Variants in PATL1 observed in about 807,000 individuals in gnomAD.
PATL1 encodes PAT1 homolog 1, processing body mRNA decay factor, also known as protein PAT1 homolog 1.
PATL1 carries 32 observed loss-of-function variants against 100.6 expected under a neutral mutation model. The ratio of observed to expected loss-of-function variants is 0.32; its 90% CI spans 0.24 to 0.43. The LOEUF (loss-of-function observed/expected upper bound fraction) is 0.43, where lower values mean the gene tolerates loss of function less well. Among genes scored for constraint, PATL1 ranks in the 20% least tolerant of loss-of-function variants. PATL1 has a pLI of 1.00. For missense variants in PATL1, 747 were observed against 949.9 expected (o/e 0.79, Z 2.81); for synonymous variants, 332 against 330.0 (o/e 1.01, Z -0.07).
intron 5 of PATL1, 66 bp from the exon 6 acceptor site, chr11:59,656,666 T>G: frequency 7.4e-7 from 1 of 1,344,028 alleles, no homozygotes. Context: ...CTACACTCCC[T>G]CCCCTCAAGT....
At chr11:59,651,156 A>C (rs1232576924) in intron 12 of PATL1, among the ~76,000 whole-genome samples, 1 of 152,150 alleles carries the variant, frequency 6.6e-6, no homozygotes, top group Non-Finnish European at 1.5e-5. Flanking sequence ...AGGTAAACTT[A>C]TGTCATGGGG....
In PATL1 at chr11:59,658,910, C is replaced by T; in HGVS notation, c.382G>A (p.Gly128Arg). ...CGGATTCGCCTCAGAACTTCAGATC[C>T]ATCCCAGATACTGGAATTCAGACTT... Reference protein sequence around the residue: ...PGSLNSSIWDGSEVLRRIRGP... With the variant: ...PGSLNSSIWDRSEVLRRIRGP... The change falls in exon 4 of 19, where the codon GGA becomes AGA. Residue 128 changes from glycine to arginine, a missense_variant. By Grantham distance (125) the Gly-to-Arg change is moderately radical. Around this residue, in one of 4 missense-constraint regions of PATL1, gnomAD observed 183 missense variants for 221.2 expected, o/e 0.83. Transcript: ENST00000300146. The T allele has an allele frequency of 6.5e-7, 1 of 1,550,040 alleles. No individual in the cohort carries two copies.
Position 59,642,901 on chromosome 11 carries a change from G to A in PATL1, c.2028C>T (p.Leu676=), listed in dbSNP as rs1323853625. 1 of 1,613,782 alleles carries A rather than the reference G, an allele frequency of 6.2e-7. No homozygotes were observed. The highest frequency in any genetic ancestry group is 8.5e-7 in the Non-Finnish European group (1 of 1,179,790). ...TCACCTTGTTCTGGAGCACAGCAGT[G>A]AGGTGAGGATTGGAGAGTGCTGGTG... The part of the protein sequence containing the change: ...AATPALSNPH[L]TAVLQNKFGL... The change falls in exon 16 of 19, where the codon CTC becomes CTT. Residue 676 remains leucine (L), a synonymous_variant. Coordinates refer to ENST00000300146, the MANE Select transcript of PATL1 (RefSeq NM_152716.3).
intron 2 of PATL1, among the ~76,000 whole-genome samples, chr11:59,661,085 G>GTATTTT (rs1043104274): frequency 9.2e-5 from 14 of 152,040 alleles, no homozygotes; most frequent in African/African-American, 3.1e-4. Context: ...GCTCCATTCA[G>GTATTTT]TATTTTTATT....
chr11:59,646,327 T>G (rs1255245270), intron 15 of PATL1, among the ~76,000 whole-genome samples: 3 of 150,136 alleles, frequency 2.0e-5, no homozygotes, highest in Non-Finnish European at 4.4e-5. Context: ...CATATACTAC[T>G]GTGTCCAGCT....
chr11:59,651,872 C>T (rs1178456979), intron 11 of PATL1, among the ~76,000 whole-genome samples: 1 of 151,688 alleles, frequency 6.6e-6, no homozygotes, highest in Non-Finnish European at 1.5e-5. Flanking sequence ...CGAGACCAGC[C>T]TGGCCAACAT....
intron 16 of PATL1, 73 bp from the exon 17 acceptor site, chr11:59,639,456 T>G: frequency 4.6e-6 from 5 of 1,098,444 alleles, no homozygotes; most frequent in Non-Finnish European, 6.7e-6. Context: ...GAAGGGATCC[T>G]GGCATCAGAT....
intron 15 of PATL1, among the ~76,000 whole-genome samples, chr11:59,646,218 A>G (rs1320491398): frequency 1.4e-5 from 2 of 147,104 alleles, no homozygotes; most frequent in East Asian, 2.0e-4. Flanking sequence ...CTGGTCTTCT[A>G]TTTTCTAGGA....
At position 59,653,455 on chromosome 11, in the gene PATL1, C is replaced by A. The variant is rs143940439; in HGVS notation, c.1122-437G>T. 1.2e-3 allele frequency among the ~76,000 whole-genome samples: 181 copies of A among 152,160 alleles called. 1 individual carries two copies. Among genetic ancestry groups the A allele is most frequent in the African/African-American group, 4.2e-3 (173 of 41,514 alleles). Reference sequence around the variant, plus strand: ...AATTGTTTTAACTCATTAAAAATCACGAAATATTTCAAATGCAGAGAAAAA... The same window carrying A: ...AATTGTTTTAACTCATTAAAAATCAAGAAATATTTCAAATGCAGAGAAAAA... On this transcript the variant is annotated intron_variant, in intron 9 of 18. Transcript: ENST00000300146.
At chr11:59,658,147 C>G (rs929388417) in intron 4 of PATL1, among the ~76,000 whole-genome samples, 10 of 148,484 alleles carry the variant, frequency 6.7e-5, no homozygotes, top group Non-Finnish European at 7.4e-5. Flanking sequence ...CTGGTTGACA[C>G]AGCAAGACCT....
In PATL1 at chr11:59,658,913, C is replaced by T. The variant is rs755190710; in HGVS notation, c.379G>A (p.Asp127Asn). 14 of 1,550,082 alleles carry T rather than the reference C, an allele frequency of 9.0e-6. No homozygotes were observed. Among genetic ancestry groups the T allele is most frequent in the Middle Eastern group, 1.7e-4 (1 of 5,838 alleles). ...ATTCGCCTCAGAACTTCAGATCCATCCCAGATACTGGAATTCAGACTTCCT... is the reference window on the plus strand; with the variant it reads ...ATTCGCCTCAGAACTTCAGATCCATTCCAGATACTGGAATTCAGACTTCCT... ...QPGSLNSSIW[D>N]GSEVLRRIRG... Residue 127 changes from aspartate to asparagine, a missense_variant, in exon 4 of 19, where the codon GAT (aspartate) becomes AAT (asparagine). Coordinates refer to ENST00000300146, the MANE Select transcript of PATL1 (RefSeq NM_152716.3).
At position 59,649,702 on chromosome 11, in the gene PATL1, G is replaced by A. The variant is rs189988934; in HGVS notation, c.1585-92C>T. 1.3e-4 allele frequency: 159 copies of A among 1,246,616 alleles called. No homozygotes were observed. In the African/African-American group the frequency reaches 1.9e-3, roughly 15 times the overall value. 77.2% of individuals were successfully genotyped at this position (1,246,616 alleles called of 1,614,324 possible). On this transcript the variant is annotated intron_variant, in intron 13 of 18. Transcript: ENST00000300146. The stretch of plus-strand genomic sequence containing the variant: ...TCACAGTTTAGGACTACTAGCTAAA[G>A]ACAAACTCATTATAGAAAGACTGAG...
intron 4 of PATL1, among the ~76,000 whole-genome samples, chr11:59,658,112 T>TA (rs2134755597): frequency 6.6e-6 from 1 of 150,946 alleles, no homozygotes; most frequent in African/African-American, 2.4e-5. Flanking sequence ...TACAGAGAGC[T>TA]ATGACTGTAC....
intron 13 of PATL1, among the ~76,000 whole-genome samples, chr11:59,650,213 T>C (rs977199684): frequency 1.3e-5 from 2 of 150,398 alleles, no homozygotes; most frequent in South Asian, 2.1e-4. Flanking sequence ...GAGGACAGCA[T>C]AGAAAGGTTA....
Position 59,654,889 on chromosome 11 carries a change from T to C in PATL1, c.1031+634A>G, listed in dbSNP as rs535311572. Among the ~76,000 whole-genome samples, 12 of 152,326 alleles carry C rather than the reference T, an allele frequency of 7.9e-5. 1 individual carries two copies. The highest frequency in any genetic ancestry group is 2.6e-4 in the Admixed American group (4 of 15,292). The stretch of plus-strand genomic sequence containing the variant: ...ATGTGGGTGGAGCTCATCCAGCCAG[T>C]TGAAGGCCTTAAGAACAAAACTAAA... On this transcript the variant is annotated intron_variant, in intron 8 of 18. Coordinates refer to ENST00000300146, the MANE Select transcript of PATL1 (RefSeq NM_152716.3).
intron 8 of PATL1, among the ~76,000 whole-genome samples, chr11:59,654,690 G>A (rs1861500116): frequency 6.6e-6 from 1 of 152,060 alleles, no homozygotes; most frequent in East Asian, 1.9e-4. Context: ...AACGTACTCA[G>A]CTTCAACTAT....
chr11:59,638,949 C>A, intron 18 of PATL1, 99 bp downstream of exon 18: 1 of 1,355,462 alleles, frequency 7.4e-7, no homozygotes, highest in South Asian at 1.4e-5. Context: ...TCCTAAAATG[C>A]TGGGATTACA....
At chr11:59,667,635 G>A (rs1328053592) in intron 1 of PATL1, among the ~76,000 whole-genome samples, 1 of 152,184 alleles carries the variant, frequency 6.6e-6, no homozygotes, top group Admixed American at 6.5e-5. Flanking sequence ...GACCTATTGC[G>A]TCTAAGGTTC....
chr11:59,660,172 C>T (rs11230036), intron 2 of PATL1, among the ~76,000 whole-genome samples: 14,190 of 152,186 alleles, frequency 0.093, 1,196 homozygotes, highest in African/African-American at 0.22. Context: ...CATACAACTT[C>T]CTCTTAGATT....
Sources: allele counts gnomAD v4.1 joint callset (sites outside exome capture counted in the v4.1 genomes callset), GRCh38; gene constraint gnomAD v4.1.1; regional missense constraint gnomAD v4.1.1; transcripts MANE v1.5; gene names NCBI Gene and HGNC (gene_info 2026-07-23, HGNC 2026-07-21).